Variants in MGAT4C observed in about 807,000 individuals in gnomAD.
The protein encoded by MGAT4C is MGAT4 family member C, also known as alpha-1,3-mannosyl-glycoprotein 4-beta-N-acetylglucosaminyltransferase C.
A neutral mutation model predicts 40.1 loss-of-function variants in MGAT4C; 19 were observed. The ratio of observed to expected loss-of-function variants is 0.47; its 90% CI spans 0.33 to 0.70. MGAT4C has a LOEUF of 0.70. MGAT4C is among the 30% of genes least tolerant of loss of function. The pLI is 0.02. For synonymous variants in MGAT4C, 181 were observed against 187.1 expected (o/e 0.97, Z 0.27); for missense variants, 491 against 563.2 (o/e 0.87, Z 1.30).
intron 3 of MGAT4C, among the ~76,000 whole-genome samples, chr12:86,391,060 G>A (rs995172468): frequency 3.3e-5 from 5 of 152,038 alleles, no homozygotes; most frequent in African/African-American, 9.7e-5. Context: ...TTCTCATTTT[G>A]TGGGAGGAGG....
chr12:86,685,391 C>T (rs1950056023), intron 2 of MGAT4C, among the ~76,000 whole-genome samples: 1 of 152,098 alleles, frequency 6.6e-6, no homozygotes, highest in Non-Finnish European at 1.5e-5. Flanking sequence ...TTCCATTGGT[C>T]TATATATCTG....
At chr12:86,808,619 G>C (rs1413431452) in intron 1 of MGAT4C, among the ~76,000 whole-genome samples, 3 of 151,852 alleles carry the variant, frequency 2.0e-5, no homozygotes, top group Non-Finnish European at 2.9e-5. Context: ...AGGTATTTAA[G>C]AAACATACCT....
At chr12:86,206,321 A>G (rs1257477212) in intron 1 of MGAT4C, among the ~76,000 whole-genome samples, 2 of 152,226 alleles carry the variant, frequency 1.3e-5, no homozygotes, top group African/African-American at 4.8e-5. Flanking sequence ...GATTCATAAA[A>G]TTGTGCTTGG....
intron 3 of MGAT4C, among the ~76,000 whole-genome samples, chr12:86,430,815 G>A (rs1484562992): frequency 1.3e-5 from 2 of 152,008 alleles, no homozygotes; most frequent in African/African-American, 4.8e-5. Flanking sequence ...TGGTTTTTTT[G>A]GCTATGTTGA....
chr12:86,687,809 G>A (rs142924284), intron 2 of MGAT4C, among the ~76,000 whole-genome samples: 238 of 152,266 alleles, frequency 1.6e-3, no homozygotes, highest in African/African-American at 5.4e-3. Context: ...TGTATATTCC[G>A]TTGATTTGGG....
intron 1 of MGAT4C, among the ~76,000 whole-genome samples, chr12:86,088,376 A>G (rs1344040906): frequency 6.6e-6 from 1 of 152,036 alleles, no homozygotes; most frequent in East Asian, 1.9e-4. Context: ...GACAAGTGGG[A>G]CCTAACTAAA....
At chr12:86,588,182 C>A (rs183038600) in intron 2 of MGAT4C, among the ~76,000 whole-genome samples, 1 of 151,714 alleles carries the variant, frequency 6.6e-6, no homozygotes, top group East Asian at 2.0e-4. Flanking sequence ...TTGTCAAAGG[C>A]CTTTTCTGCA....
At chr12:86,622,769 C>G (rs1002446707) in intron 2 of MGAT4C, among the ~76,000 whole-genome samples, 1 of 151,666 alleles carries the variant, frequency 6.6e-6, no homozygotes, top group Non-Finnish European at 1.5e-5. Context: ...TCTAGAAATT[C>G]AAGAAAGCAA....
intron 1 of MGAT4C, among the ~76,000 whole-genome samples, chr12:86,089,428 T>TA (rs1273841780): frequency 6.6e-6 from 1 of 151,872 alleles, no homozygotes; most frequent in Non-Finnish European, 1.5e-5. Flanking sequence ...GTACATGCAG[T>TA]TATAGATTGA....
At chr12:86,532,797 T>C (rs939072777) in intron 2 of MGAT4C, among the ~76,000 whole-genome samples, 9 of 152,006 alleles carry the variant, frequency 5.9e-5, no homozygotes, top group African/African-American at 9.7e-5. Flanking sequence ...CTTTTGTCAT[T>C]TTTAGTCATG....
intron 2 of MGAT4C, among the ~76,000 whole-genome samples, chr12:86,617,563 C>A (rs1390277515): frequency 6.6e-6 from 1 of 152,108 alleles, no homozygotes; most frequent in African/African-American, 2.4e-5. Context: ...TGGCAGATGC[C>A]TGTAGTCCCA....
At chr12:86,054,670 T>A (rs1445142524) in intron 1 of MGAT4C, among the ~76,000 whole-genome samples, 1 of 151,902 alleles carries the variant, frequency 6.6e-6, no homozygotes, top group East Asian at 1.9e-4. Context: ...ACAAGATAAA[T>A]ATATCCATCA....
At chr12:86,422,314 G>C (rs1024117499) in intron 3 of MGAT4C, among the ~76,000 whole-genome samples, 4 of 152,060 alleles carry the variant, frequency 2.6e-5, no homozygotes, top group Non-Finnish European at 5.9e-5. Context: ...CAAAACCTTG[G>C]AACTATAAGA....
intron 1 of MGAT4C, among the ~76,000 whole-genome samples, chr12:86,761,129 A>G (rs750340661): frequency 3.9e-5 from 6 of 152,178 alleles, no homozygotes; most frequent in Non-Finnish European, 8.8e-5. Context: ...TTTGGGCATA[A>G]TGTTTTGGAA....
chr12:86,787,723 A>T (rs763331294), intron 1 of MGAT4C, among the ~76,000 whole-genome samples: 1 of 152,250 alleles, frequency 6.6e-6, no homozygotes, highest in South Asian at 2.1e-4. Context: ...AGATTTCTAT[A>T]AAGAACTTAT....
chr12:86,787,797 G>T (rs1593207294), intron 1 of MGAT4C, among the ~76,000 whole-genome samples: 1 of 152,192 alleles, frequency 6.6e-6, no homozygotes, highest in South Asian at 2.1e-4. Flanking sequence ...GCCCAGGCTG[G>T]AGTGCAATGG....
intron 2 of MGAT4C, among the ~76,000 whole-genome samples, chr12:86,615,435 C>A (rs892288960): frequency 6.6e-6 from 1 of 152,108 alleles, no homozygotes; most frequent in Non-Finnish European, 1.5e-5. Context: ...CAGCAAATAT[C>A]TCTGAGGTGA....
intron 4 of MGAT4C, among the ~76,000 whole-genome samples, chr12:86,316,312 T>C (rs1954229485): frequency 6.6e-6 from 1 of 152,150 alleles, no homozygotes; most frequent in Admixed American, 6.6e-5. Flanking sequence ...GTTTAATGAT[T>C]TCTCAAAGAT....
At chr12:86,149,820 T>C (rs941415733) in intron 1 of MGAT4C, among the ~76,000 whole-genome samples, 1 of 152,210 alleles carries the variant, frequency 6.6e-6, no homozygotes, top group Admixed American at 6.5e-5. Context: ...ACTACCATGG[T>C]TCTCAATAAA....
Sources: allele counts gnomAD v4.1 joint callset (sites outside exome capture counted in the v4.1 genomes callset), GRCh38; gene constraint gnomAD v4.1.1; transcripts MANE v1.5; gene names NCBI Gene and HGNC (gene_info 2026-07-23, HGNC 2026-07-21).